HMCN1: variants seen among roughly 807,000 people sequenced by gnomAD.
HMCN1 encodes hemicentin 1.
In HMCN1, 321 loss-of-function variants were observed where a neutral mutation model predicts 625.9. That is an observed-to-expected ratio of 0.51 (90% confidence interval 0.47 to 0.56). The LOEUF is 0.56. Among genes scored for constraint, HMCN1 ranks in the 20% least tolerant of loss-of-function variants. HMCN1 has a pLI of 0.00. For missense variants in HMCN1, 6,588 were observed against 6,887.3 expected, an observed-to-expected ratio of 0.96 and a Z score of 1.54; for synonymous variants, 2,425 against 2,417.6, an observed-to-expected ratio of 1.00 and a Z score of -0.09.
chr1:186,179,866 A>G (rs944012904), intron 104 of HMCN1, among the ~76,000 whole-genome samples: 1 of 152,010 alleles, frequency 6.6e-6, no homozygotes, highest in African/African-American at 2.4e-5. Flanking sequence ...ATCTTCCCAT[A>G]TCATCTCCAC....
At chr1:186,061,800 A>C (rs1558186483) in intron 46 of HMCN1, 51 bp from the exon 47 acceptor site, 1 of 1,299,280 alleles carries the variant, frequency 7.7e-7, no homozygotes. Flanking sequence ...TGGCTTATAA[A>C]GTTTCATTTT....
In HMCN1 at chr1:186,115,313, A is replaced by G. The variant is rs143169544; in HGVS notation, c.11460A>G (p.Gln3820=). The G allele has an allele frequency of 1.2e-6, 2 of 1,613,948 alleles. No homozygotes were observed. The highest frequency in any genetic ancestry group is 1.1e-5 in the South Asian group (1 of 91,088). ...PTNMTVIVNV[Q]TTLACEATGI... ...ACATGACTGTAATAGTAAATGTTCA[A>G]ACTACTCTGGCTTGTGAGGCTACTG... Residue 3820 remains glutamine (Q), a synonymous_variant, in exon 75 of 107, where the codon CAA becomes CAG. Coordinates refer to ENST00000271588, the MANE Select transcript of HMCN1 (RefSeq NM_031935.3).
chr1:185,853,033 T>A, intron 2 of HMCN1, among the ~76,000 whole-genome samples: 1 of 152,290 alleles, frequency 6.6e-6, no homozygotes, highest in East Asian at 1.9e-4. Flanking sequence ...CAAAGCCAGT[T>A]TCCTTTATTG....
intron 2 of HMCN1, 145 bp downstream of exon 2, chr1:185,846,241 G>C (rs1462572422): frequency 1.5e-6 from 1 of 666,506 alleles, no homozygotes; most frequent in African/African-American, 1.8e-5. Flanking sequence ...CCCTCAACCT[G>C]AGTCTGGAAT....
intron 11 of HMCN1, among the ~76,000 whole-genome samples, chr1:185,941,541 G>T (rs182297346): frequency 1.0e-3 from 157 of 152,242 alleles, no homozygotes; most frequent in African/African-American, 3.6e-3. Context: ...CCAAAATGAG[G>T]TCTATGAAAA....
At chr1:186,101,092 A>G (rs1052563647) in intron 68 of HMCN1, among the ~76,000 whole-genome samples, 3 of 152,144 alleles carry the variant, frequency 2.0e-5, no homozygotes, top group African/African-American at 7.2e-5. Context: ...GCACATTGAC[A>G]ATCCCAACAA....
At chr1:185,761,751 T>C (rs1013052411) in intron 1 of HMCN1, among the ~76,000 whole-genome samples, 1 of 152,130 alleles carries the variant, frequency 6.6e-6, no homozygotes, top group Admixed American at 6.6e-5. Context: ...AGGTAAACCA[T>C]TTTGGTAGTA....
In HMCN1 at chr1:186,011,302, G is replaced by A. The variant is rs368369557; in HGVS notation, c.4631-3857G>A. Among the ~76,000 whole-genome samples the A allele has an allele frequency of 2.0e-4, 31 of 152,196 alleles. No homozygotes were observed. In the South Asian group the frequency reaches 6.4e-3, roughly 32 times the overall value. ...CCTCGTGATCCGCCCACCTCAGCCT[G>A]CCAAGTGCTGGGATTACAGGCATGA... is the stretch of plus-strand genomic sequence containing the variant. On this transcript the variant is annotated intron_variant, in intron 30 of 106. Transcript: ENST00000271588.
chr1:185,742,003 G>C (rs1654023952), intron 1 of HMCN1, among the ~76,000 whole-genome samples: 1 of 152,040 alleles, frequency 6.6e-6, no homozygotes, highest in Non-Finnish European at 1.5e-5. Flanking sequence ...TACCGGAATG[G>C]TTGCTTTGAT....
intron 4 of HMCN1, among the ~76,000 whole-genome samples, chr1:185,873,337 TCTC>T (rs1434563688): frequency 6.6e-6 from 1 of 152,110 alleles, no homozygotes; most frequent in Non-Finnish European, 1.5e-5. Context: ...CAGTACCTAT[TCTC>T]CTCATTTGGT....
chr1:185,852,160 A>G (rs149888588), intron 2 of HMCN1, among the ~76,000 whole-genome samples: 2 of 152,142 alleles, frequency 1.3e-5, no homozygotes, highest in Admixed American at 6.5e-5. Context: ...TCTAAGGAGA[A>G]TATGAAATAC....
intron 67 of HMCN1, among the ~76,000 whole-genome samples, chr1:186,094,674 CTT>C (rs774594908): frequency 2.6e-5 from 4 of 152,054 alleles, no homozygotes; most frequent in Non-Finnish European, 5.9e-5. Flanking sequence ...AAAGTCAAAA[CTT>C]TTCTAACAAT....
rs747253408 is a variant in HMCN1 at position 186,001,748 on chromosome 1, A to G, written c.4348+7A>G. 2 of 1,609,614 alleles carry G rather than the reference A, an allele frequency of 1.2e-6. No homozygotes were observed. Among genetic ancestry groups the G allele is most frequent in the East Asian group, 2.2e-5 (1 of 44,778 alleles). ...TTTAACATTGATGTGCTAGGTAAGAAATACATCCTTTTAAAAAACTACAAT... is the reference window on the plus strand; with the variant it reads ...TTTAACATTGATGTGCTAGGTAAGAGATACATCCTTTTAAAAAACTACAAT... On this transcript the variant is annotated splice_region_variant and intron_variant, in intron 28 of 106. Transcript: ENST00000271588.
chr1:185,865,625 ACACACAT>A, intron 3 of HMCN1, 109 bp from the exon 4 acceptor site: 13 of 756,148 alleles, frequency 1.7e-5, no homozygotes, highest in Non-Finnish European at 2.0e-5. Context: ...ACACACACAC[ACACACAT>A]TCACATATTC....
At chr1:186,090,945 T>G (rs770241475) in intron 64 of HMCN1, 28 bp downstream of exon 64, 4 of 1,602,654 alleles carry the variant, frequency 2.5e-6, no homozygotes, top group Non-Finnish European at 3.4e-6. Context: ...CTTTCCATTA[T>G]AAATTGTAAG....
At position 185,909,503 on chromosome 1, in the gene HMCN1, C is replaced by T. The variant is rs1446034650; in HGVS notation, c.788C>T (p.Pro263Leu). ...GPSPMIEIRN[P>L]LGKLIKKGFG... ...TCTCCAATGATTGAAATTCGCAATC[C>T]TTTAGGTGAGATATATCAAACATCA... Residue 263 changes from proline to leucine, a missense_variant, in exon 5 of 107, where the codon CCT becomes CTT. By Grantham distance (98) the Pro-to-Leu change is moderately conservative. Coordinates refer to ENST00000271588, the MANE Select transcript of HMCN1 (RefSeq NM_031935.3). 1 of 1,612,002 alleles carries T rather than the reference C, an allele frequency of 6.2e-7. No homozygotes were observed. The highest frequency in any genetic ancestry group is 1.1e-5 in the South Asian group (1 of 91,048).
intron 1 of HMCN1, among the ~76,000 whole-genome samples, chr1:185,763,686 T>C (rs950920627): frequency 6.6e-6 from 1 of 152,180 alleles, no homozygotes; most frequent in East Asian, 1.9e-4. Context: ...GTCATGTATA[T>C]TATCTCATTT....
chr1:186,127,521 A>G (rs1334728660), intron 82 of HMCN1, among the ~76,000 whole-genome samples: 1 of 152,094 alleles, frequency 6.6e-6, no homozygotes, highest in Non-Finnish European at 1.5e-5. Context: ...ATAGGCGAGC[A>G]TAGTGTCCTG....
In HMCN1 at chr1:186,069,672, C is replaced by A. The variant is rs1310969256; in HGVS notation, c.7889C>A (p.Thr2630Asn). The change falls in exon 51 of 107, where the codon ACT becomes AAT. Residue 2630 changes from threonine to asparagine, a missense_variant. By Grantham distance (65) the Thr-to-Asn change is moderately conservative. Around this residue, in one of 3 missense-constraint regions of HMCN1, gnomAD observed 4,628 missense variants for 4,853.1 expected, o/e 0.95. Coordinates refer to ENST00000271588, the MANE Select transcript of HMCN1 (RefSeq NM_031935.3). Reference protein sequence around the residue: ...RNIRILPGGRTLQILNAQEDN... With the variant: ...RNIRILPGGRNLQILNAQEDN... ...TCCCATGATTTTACAGGAGGCAGAACTCTGCAGATCCTCAATGCACAGGAG... is the reference window on the plus strand; with the variant it reads ...TCCCATGATTTTACAGGAGGCAGAAATCTGCAGATCCTCAATGCACAGGAG... The A allele has an allele frequency of 1.2e-6, 2 of 1,610,558 alleles. No homozygotes were observed. Among genetic ancestry groups the A allele is most frequent in the African/African-American group, 2.7e-5 (2 of 74,890 alleles).
Sources: gnomAD v4.1 joint callset for allele counts (sites outside exome capture counted in the v4.1 genomes callset) on GRCh38, gnomAD v4.1.1 for gene constraint, gnomAD v4.1.1 regional missense constraint, MANE v1.5 for transcripts, NCBI Gene and HGNC (gene_info 2026-07-23, HGNC 2026-07-21) for gene names.